HPCAL1: variants seen among roughly 807,000 people sequenced by gnomAD.
HPCAL1 encodes the protein hippocalcin-like protein 1.
A neutral mutation model predicts 17.1 loss-of-function variants in HPCAL1; 8 were observed. The observed-to-expected ratio is 0.47, with a 90% CI of 0.27 to 0.84. The LOEUF (loss-of-function observed/expected upper bound fraction) is 0.84. Ranked by LOEUF, HPCAL1 falls within the 40% of genes least tolerant of loss-of-function variation. The pLI is 0.13. For synonymous variants in HPCAL1, 112 were observed against 111.4 expected (o/e 1.01, Z -0.03); for missense variants, 165 against 271.1 (o/e 0.61, Z 2.75).
chr2:10,360,914 T>C (rs1253242642), intron 1 of HPCAL1, among the ~76,000 whole-genome samples: 1 of 151,450 alleles, frequency 6.6e-6, no homozygotes, highest in Non-Finnish European at 1.5e-5. Context: ...ACCACGTGCC[T>C]TTGGATGTTC....
chr2:10,312,570 CTCA>C (rs1254330558), intron 1 of HPCAL1, among the ~76,000 whole-genome samples: 7 of 144,274 alleles, frequency 4.9e-5, no homozygotes, highest in South Asian at 2.3e-4. Flanking sequence ...CATCCCCATC[CTCA>C]TCATCATCAC....
chr2:10,403,244 T>G (rs906356881), intron 2 of HPCAL1, among the ~76,000 whole-genome samples: 1 of 152,162 alleles, frequency 6.6e-6, no homozygotes, highest in African/African-American at 2.4e-5. Context: ...AGTTTTCTAT[T>G]TATTTATTTA....
At chr2:10,327,960 G>A (rs144841992) in intron 1 of HPCAL1, among the ~76,000 whole-genome samples, 30 of 152,312 alleles carry the variant, frequency 2.0e-4, no homozygotes, top group Admixed American at 9.8e-4. Context: ...GTATAAAGGC[G>A]CATTAGATTT....
At position 10,395,582 on chromosome 2, in the gene HPCAL1, G is replaced by A. The variant is rs1668970575; in HGVS notation, c.-110-1253G>A. 6.6e-6 allele frequency among the ~76,000 whole-genome samples: 1 copy of A among 152,222 alleles called. No individual in the cohort carries two copies. The highest frequency in any genetic ancestry group is 1.5e-5 in the Non-Finnish European group (1 of 68,040). ...AGGCTGGGTGTTCTAGGGTGAACAAGCCACTTCGTCTAGTGGGTGCTTGTA... is the reference window on the plus strand; with the variant it reads ...AGGCTGGGTGTTCTAGGGTGAACAAACCACTTCGTCTAGTGGGTGCTTGTA... On this transcript the variant is annotated intron_variant, in intron 1 of 4. Transcript: ENST00000307845. This position sits in a 1 kb window ranked among gnomAD's most constrained non-coding sequence, Gnocchi z 4.4.
Position 10,426,743 on chromosome 2 carries a change from A to G in HPCAL1, c.504A>G (p.Glu168=). Residue 168 remains glutamate (E), a synonymous_variant, in exon 5 of 5, where the codon GAA becomes GAG. Transcript: ENST00000307845. ...CTGCAGGCAAACTGTCCTTGGAAGA[A>G]TTCATCAGAGGTGCCAAGAGCGACC... ...TNNDGKLSLE[E]FIRGAKSDPS... 1 of 1,613,404 alleles carries G rather than the reference A, an allele frequency of 6.2e-7. No individual in the cohort carries two copies. The highest frequency in any genetic ancestry group is 8.5e-7 in the Non-Finnish European group (1 of 1,179,948).
chr2:10,315,440 T>C (rs1359958974), intron 1 of HPCAL1, among the ~76,000 whole-genome samples: 1 of 152,240 alleles, frequency 6.6e-6, no homozygotes, highest in African/African-American at 2.4e-5. Context: ...TGATTTTTCA[T>C]GTTTTGCCAC....
chr2:10,407,321 G>T (rs1670035146), intron 2 of HPCAL1, among the ~76,000 whole-genome samples: 1 of 152,132 alleles, frequency 6.6e-6, no homozygotes. Context: ...CCTAACCCCT[G>T]ACCTTCCTCC....
chr2:10,427,488 T>C lies in HPCAL1; in HGVS notation c.*667T>C, dbSNP rs1671495138. 6.6e-6 allele frequency: 1 copy of C among 152,320 alleles called. No homozygotes were observed. The highest frequency in any genetic ancestry group is 6.5e-5 in the Admixed American group (1 of 15,282). The allele number at this position is 152,320 out of a possible 1,614,324, so 9.4% of individuals were successfully genotyped here. On this transcript the variant is annotated 3_prime_UTR_variant, in exon 5 of 5. Transcript: ENST00000307845. ...GTCTGCCTGTTTCTAAGGAAATGCATGTGTGCCCTGAGCCGTGATGATCCT... is the reference window on the plus strand; with the variant it reads ...GTCTGCCTGTTTCTAAGGAAATGCACGTGTGCCCTGAGCCGTGATGATCCT...
chr2:10,402,295 G>A (rs1429854744), intron 2 of HPCAL1, among the ~76,000 whole-genome samples: 2 of 152,228 alleles, frequency 1.3e-5, no homozygotes, highest in South Asian at 4.1e-4. Flanking sequence ...ACACTTCGGT[G>A]TCTTCCCAGC....
chr2:10,324,823 T>G (rs1335509870), intron 1 of HPCAL1, among the ~76,000 whole-genome samples: 4 of 111,414 alleles, frequency 3.6e-5, no homozygotes, highest in Non-Finnish European at 7.9e-5. Context: ...TGTGTTTTTT[T>G]TTTTTTTTTT....
At chr2:10,414,908 C>G (rs570164201) in intron 2 of HPCAL1, among the ~76,000 whole-genome samples, 1 of 152,204 alleles carries the variant, frequency 6.6e-6, no homozygotes, top group African/African-American at 2.4e-5. Flanking sequence ...GGAGGCTGAA[C>G]TAGAGACACC....
At chr2:10,417,447 A>G (rs1670747975) in intron 2 of HPCAL1, among the ~76,000 whole-genome samples, 1 of 152,054 alleles carries the variant, frequency 6.6e-6, no homozygotes, top group African/African-American at 2.4e-5. Flanking sequence ...TTCTTTCCTC[A>G]TAAGCCCTTC....
At chr2:10,336,033 T>G (rs1339780061) in intron 1 of HPCAL1, among the ~76,000 whole-genome samples, 5 of 151,570 alleles carry the variant, frequency 3.3e-5, no homozygotes, top group African/African-American at 9.8e-5. Flanking sequence ...AATTGCATGT[T>G]CATATCCTCT....
chr2:10,426,625 C>G, intron 4 of HPCAL1, 99 bp from the exon 5 acceptor site: 1 of 916,396 alleles, frequency 1.1e-6, no homozygotes, highest in Non-Finnish European at 1.8e-6. Flanking sequence ...GGACTTTCAA[C>G]AAAGGGAGCA....
intron 1 of HPCAL1, among the ~76,000 whole-genome samples, chr2:10,356,467 G>C (rs1321973998): frequency 6.6e-6 from 1 of 152,172 alleles, no homozygotes; most frequent in African/African-American, 2.4e-5. Context: ...GGGACTCAGA[G>C]GGTGGTGGGG....
At chr2:10,379,045 C>T (rs1267614225) in intron 1 of HPCAL1, among the ~76,000 whole-genome samples, 1 of 152,040 alleles carries the variant, frequency 6.6e-6, no homozygotes, top group Admixed American at 6.6e-5. Context: ...AAAATATTTG[C>T]GGTCGGGTGC....
intron 2 of HPCAL1, among the ~76,000 whole-genome samples, chr2:10,400,257 G>A (rs895674898): frequency 2.0e-5 from 3 of 152,188 alleles, no homozygotes; most frequent in African/African-American, 7.2e-5. Context: ...TGGCAACCCC[G>A]ACCGCTGAGG....
chr2:10,405,333 G>T (rs1395246909), intron 2 of HPCAL1, among the ~76,000 whole-genome samples: 24 of 152,242 alleles, frequency 1.6e-4, no homozygotes, highest in Admixed American at 1.6e-3. Flanking sequence ...TGGGTCTGGA[G>T]CGTTGACACT....
At chr2:10,418,587 C>A (rs185137512) in intron 2 of HPCAL1, among the ~76,000 whole-genome samples, 55 of 152,032 alleles carry the variant, frequency 3.6e-4, no homozygotes, top group African/African-American at 1.1e-3. Context: ...ACACAGAGTT[C>A]AAAGTGGTTG....
Sources: allele counts gnomAD v4.1 joint callset (sites outside exome capture counted in the v4.1 genomes callset), GRCh38; gene constraint gnomAD v4.1.1; non-coding constraint Gnocchi (gnomAD v3.1); transcripts MANE v1.5; gene names NCBI Gene and HGNC (gene_info 2026-07-23, HGNC 2026-07-21).